The following LINGO2 variants were observed in gnomAD, a reference collection of about 807,000 sequenced individuals.
LINGO2 encodes the protein leucine-rich repeat and immunoglobulin-like domain-containing nogo receptor-interacting protein 2.
In LINGO2, 14 loss-of-function variants were observed where a neutral mutation model predicts 30.6. The ratio of observed to expected loss-of-function variants is 0.46; its 90% confidence interval spans 0.30 to 0.72. The LOEUF is 0.72. LINGO2 is among the 30% of genes least tolerant of loss of function. LINGO2 has a pLI of 0.07. For synonymous variants in LINGO2, 317 were observed against 288.5 expected (o/e 1.10, Z -1.00); for missense variants, 729 against 751.7 (o/e 0.97, Z 0.35).
chr9:28,678,301 C>T, the LINGO2 span, among the ~76,000 whole-genome samples: 3 of 152,112 alleles, frequency 2.0e-5, no homozygotes, highest in Non-Finnish European at 4.4e-5. Context: ...AAAGCCCTTA[C>T]ATGGGCTGTT....
chr9:28,788,156 T>C, the LINGO2 span, among the ~76,000 whole-genome samples: 21 of 152,148 alleles, frequency 1.4e-4, no homozygotes, highest in African/African-American at 3.9e-4. Flanking sequence ...TTCCTTAAGA[T>C]TGAATTTTTC....
At chr9:28,163,811 T>G in intron 4 of LINGO2, among the ~76,000 whole-genome samples, 1 of 152,172 alleles carries the variant, frequency 6.6e-6, no homozygotes, top group East Asian at 1.9e-4. Flanking sequence ...GAGATCCAAC[T>G]TGCCTATTTA....
intron 5 of LINGO2, among the ~76,000 whole-genome samples, chr9:27,976,469 T>A (rs1587592151): frequency 6.6e-6 from 1 of 152,224 alleles, no homozygotes; most frequent in East Asian, 1.9e-4. Context: ...TGCTTAACAA[T>A]TAAAAAATAG....
intron 4 of LINGO2, among the ~76,000 whole-genome samples, chr9:28,171,873 T>C (rs1828594710): frequency 6.7e-6 from 1 of 149,384 alleles, no homozygotes; most frequent in Non-Finnish European, 1.5e-5. Flanking sequence ...CCAAAAAAAT[T>C]TAGCCAGGCG....
the LINGO2 span, among the ~76,000 whole-genome samples, chr9:29,006,734 G>A: frequency 2.0e-5 from 3 of 152,068 alleles, no homozygotes; most frequent in African/African-American, 7.2e-5. Flanking sequence ...TCAACATTAA[G>A]CATAGTACAG....
the LINGO2 span, among the ~76,000 whole-genome samples, chr9:29,189,424 C>T: frequency 6.7e-6 from 1 of 149,302 alleles, no homozygotes; most frequent in African/African-American, 2.5e-5. Context: ...ACGGGGCGGC[C>T]GGGCAGAGAC....
rs1290385489 is a variant in LINGO2 at position 28,199,351 on chromosome 9, T to TCCTCCTCCTCCTCCTCCTCCTCCTCCCCC, written c.-87+95856_-87+95857insGGGGGAGGAGGAGGAGGAGGAGGAGGAGG. ...CTTCTTCTTCTTCTTCTTCTTTTTT[T>TCCTCCTCCTCCTCCTCCTCCTCCTCCCCC]TTTTTTGAGACGGAGTCTCGCTCTG... On this transcript the variant is annotated intron_variant, in intron 4 of 5. Coordinates refer to ENST00000379992, the Ensembl canonical transcript of LINGO2. Among the ~76,000 whole-genome samples, 84 of 149,846 alleles carry TCCTCCTCCTCCTCCTCCTCCTCCTCCCCC rather than the reference T, an allele frequency of 5.6e-4. 1 individual carries two copies. The highest frequency in any genetic ancestry group is 8.0e-4 in the Admixed American group (12 of 15,024).
chr9:28,044,598 G>A (rs1395060492), intron 4 of LINGO2, among the ~76,000 whole-genome samples: 1 of 151,820 alleles, frequency 6.6e-6, no homozygotes, highest in African/African-American at 2.4e-5. Context: ...TTTTTTTTTA[G>A]GTTGACAGAA....
At chr9:28,575,993 T>A (rs1433927839) in intron 1 of LINGO2, among the ~76,000 whole-genome samples, 1 of 151,714 alleles carries the variant, frequency 6.6e-6, no homozygotes, top group Non-Finnish European at 1.5e-5. Flanking sequence ...GACATGCAGA[T>A]CCTCCTCTAC....
chr9:28,354,414 TC>T (rs1288677964), intron 3 of LINGO2, among the ~76,000 whole-genome samples: 1 of 152,156 alleles, frequency 6.6e-6, no homozygotes, highest in Non-Finnish European at 1.5e-5. Flanking sequence ...TACCAATGGC[TC>T]CCAAATTACA....
At chr9:28,003,388 G>T (rs10968268) in intron 5 of LINGO2, among the ~76,000 whole-genome samples, 2,107 of 140,678 alleles carry the variant, frequency 0.015, 43 homozygotes, top group African/African-American at 0.049. Context: ...GATAGATATA[G>T]AGAGAGAGAG....
At chr9:28,210,883 A>G (rs1430636030) in intron 4 of LINGO2, among the ~76,000 whole-genome samples, 2 of 151,600 alleles carry the variant, frequency 1.3e-5, no homozygotes, top group African/African-American at 4.8e-5. Flanking sequence ...AGAGAGGAAC[A>G]TTAGCTCCAG....
At chr9:28,071,665 G>A (rs1442163832) in intron 4 of LINGO2, among the ~76,000 whole-genome samples, 1 of 151,650 alleles carries the variant, frequency 6.6e-6, no homozygotes, top group Non-Finnish European at 1.5e-5. Context: ...AAGGCTCACA[G>A]GTATTGTGTA....
intron 5 of LINGO2, among the ~76,000 whole-genome samples, chr9:27,962,393 T>C (rs1438429266): frequency 6.6e-6 from 1 of 152,122 alleles, no homozygotes; most frequent in Non-Finnish European, 1.5e-5. Context: ...GAAGACAGTA[T>C]CTAACTAAAT....
At chr9:28,258,509 C>T (rs1822456015) in intron 4 of LINGO2, among the ~76,000 whole-genome samples, 1 of 151,940 alleles carries the variant, frequency 6.6e-6, no homozygotes, top group South Asian at 2.1e-4. Context: ...AACACACACA[C>T]ACCCCACAAG....
chr9:28,564,282 G>C (rs185450928), intron 1 of LINGO2, among the ~76,000 whole-genome samples: 1 of 152,182 alleles, frequency 6.6e-6, no homozygotes, highest in African/African-American at 2.4e-5. Flanking sequence ...ATTATAGGTA[G>C]TCTCCTAAGA....
At chr9:28,691,156 T>C in the LINGO2 span, among the ~76,000 whole-genome samples, 5 of 152,328 alleles carry the variant, frequency 3.3e-5, no homozygotes, top group Admixed American at 2.0e-4. Context: ...AAAAGAATTA[T>C]TCTCTGATGG....
intron 4 of LINGO2, among the ~76,000 whole-genome samples, chr9:28,241,965 G>A (rs1821816818): frequency 6.6e-6 from 1 of 151,842 alleles, no homozygotes; most frequent in East Asian, 1.9e-4. Flanking sequence ...TTCATCCAAG[G>A]GTCAACAGCC....
At chr9:29,184,604 C>T in the LINGO2 span, among the ~76,000 whole-genome samples, 2 of 152,170 alleles carry the variant, frequency 1.3e-5, no homozygotes, top group South Asian at 2.1e-4. Flanking sequence ...TTACCTTACA[C>T]TTCATGCATT....
Sources: gnomAD v4.1 joint callset for allele counts (sites outside exome capture counted in the v4.1 genomes callset) on GRCh38, gnomAD v4.1.1 for gene constraint, MANE v1.5 for transcripts, NCBI Gene and HGNC (gene_info 2026-07-23, HGNC 2026-07-21) for gene names.